HGSNAT: variants seen among roughly 807,000 people sequenced by gnomAD.
The protein encoded by HGSNAT is transmembrane protein 76.
Under a neutral mutation model 85.2 loss-of-function variants are expected in HGSNAT, and 59 were observed. The observed-to-expected ratio is 0.69, with a 90% CI of 0.56 to 0.86. The LOEUF is 0.86. Among genes scored for constraint, HGSNAT ranks in the 40% least tolerant of loss-of-function variants. The pLI is 0.00. For synonymous variants in HGSNAT, 321 were observed against 304.5 expected (o/e 1.05, Z -0.56); for missense variants, 756 against 777.1 (o/e 0.97, Z 0.32).
intron 12 of HGSNAT, 55 bp from the exon 13 acceptor site, chr8:43,192,249 C>A: frequency 1.3e-6 from 2 of 1,551,026 alleles, no homozygotes; most frequent in Non-Finnish European, 1.7e-6. Context: ...TATTCTTGTC[C>A]CTCTGTTCGC....
At chr8:43,177,847 A>G (rs1039362440) in intron 9 of HGSNAT, among the ~76,000 whole-genome samples, 5 of 152,200 alleles carry the variant, frequency 3.3e-5, no homozygotes, top group African/African-American at 1.2e-4. Context: ...AATATTAAAG[A>G]AATTTTCTCC....
At chr8:43,167,860 T>G (rs937312889) in intron 5 of HGSNAT, 10 of 204,006 alleles carry the variant, frequency 4.9e-5, no homozygotes, top group Admixed American at 1.2e-4. Flanking sequence ...GTTAATATAT[T>G]TATCTTTTGT....
rs138736400 is a variant in HGSNAT, at chr8:43,158,668, A to G, written c.328A>G (p.Ile110Val). 44 of 1,613,004 alleles carry G rather than the reference A, an allele frequency of 2.7e-5. No homozygotes were observed. The highest frequency in any genetic ancestry group is 1.7e-4 in the Middle Eastern group (1 of 6,052). Residue 110 changes from isoleucine to valine, a missense_variant, in exon 3 of 18, where the codon ATC becomes GTC. Transcript: ENST00000379644. ...CTCTGTCAGCACCCAGCACGGATCT[A>G]TCCTGCAGCTGAACGACACCTTGGA... is the stretch of plus-strand genomic sequence containing the variant. ...AASVSTQHGS[I>V]LQLNDTLEEK...
intron 9 of HGSNAT, 35 bp downstream of exon 9, chr8:43,173,778 G>A (rs374884321): frequency 4.4e-6 from 7 of 1,601,798 alleles, no homozygotes; most frequent in Non-Finnish European, 6.0e-6. Context: ...TCTTCCACGG[G>A]TTGACTCCAA....
At chr8:43,171,214 T>A (rs1312470936) in intron 7 of HGSNAT, among the ~76,000 whole-genome samples, 6 of 152,166 alleles carry the variant, frequency 3.9e-5, no homozygotes, top group African/African-American at 1.4e-4. Context: ...TAGCGAAGAA[T>A]AAATACACAG....
intron 7 of HGSNAT, 98 bp from the exon 8 acceptor site, chr8:43,172,212 G>C (rs1803646937): frequency 1.2e-6 from 1 of 841,684 alleles, no homozygotes; most frequent in Non-Finnish European, 2.1e-6. Context: ...TTGCATTGTT[G>C]CATGATTGCA....
intron 2 of HGSNAT, among the ~76,000 whole-genome samples, chr8:43,147,590 TC>T (rs1281300925): frequency 6.6e-6 from 1 of 152,232 alleles, no homozygotes; most frequent in Non-Finnish European, 1.5e-5. Flanking sequence ...TGAAATCATG[TC>T]CTTTGCAGCA....
At chr8:43,185,716 A>G (rs1804284298) in intron 11 of HGSNAT, among the ~76,000 whole-genome samples, 1 of 152,138 alleles carries the variant, frequency 6.6e-6, no homozygotes, top group African/African-American at 2.4e-5. Context: ...GTCTTGTGCC[A>G]GTTTTCAAAG....
intron 2 of HGSNAT, among the ~76,000 whole-genome samples, chr8:43,148,761 C>T (rs1802795932): frequency 6.8e-6 from 1 of 147,750 alleles, no homozygotes; most frequent in Non-Finnish European, 1.5e-5. Flanking sequence ...CCATTGCACT[C>T]TAACCTGGGC....
chr8:43,202,527 AG>A lies in HGSNAT; in HGVS notation c.*2961del, dbSNP rs1342142174. 6 of 152,232 alleles carry A rather than the reference AG, an allele frequency of 3.9e-5. No individual in the cohort carries two copies. Among genetic ancestry groups the A allele is most frequent in the Non-Finnish European group, 8.8e-5 (6 of 68,054 alleles). The allele number at this position is 152,232 out of a possible 1,614,324, so 9.4% of individuals were successfully genotyped here. On this transcript the variant is annotated 3_prime_UTR_variant, in exon 18 of 18. Coordinates refer to ENST00000379644, the MANE Select transcript of HGSNAT (RefSeq NM_152419.3). ...GGTGCATGGCATCTCACAGGGAGGC[AG>A]GGAGGTGCGAGCTCCTAAGTAATGG...
chr8:43,140,521 G>C lies in HGSNAT; in HGVS notation c.25G>C (p.Ala9Pro), dbSNP rs1360961199. Residue 9 changes from alanine to proline, a missense_variant, in exon 1 of 18, where the codon GCC (alanine) becomes CCC (proline). Coordinates refer to ENST00000379644, the MANE Select transcript of HGSNAT (RefSeq NM_152419.3). ...CATGAGCGGGGCGGGCAGGGCGCTGGCCGCGCTGCTGCTGGCCGCGTCCGT... is the reference window on the plus strand; with the variant it reads ...CATGAGCGGGGCGGGCAGGGCGCTGCCCGCGCTGCTGCTGGCCGCGTCCGT... MSGAGRAL[A>P]ALLLAASVLS... 1.8e-6 allele frequency: 2 copies of C among 1,093,744 alleles called. No homozygotes were observed. The highest frequency in any genetic ancestry group is 2.2e-6 in the Non-Finnish European group (2 of 902,080). The allele number at this position is 1,093,744 out of a possible 1,614,324, so 67.8% of individuals were successfully genotyped here.
chr8:43,192,382 C>G lies in HGSNAT; in HGVS notation c.1329C>G (p.Asp443Glu). The stretch of plus-strand genomic sequence containing the variant: ...CTGGAGGAGCTGCAGGCTACATCGA[C>G]CGCCTGCTGCTGGGAGACGATCACC... Reference protein sequence around the residue: ...NCTGGAAGYIDRLLLGDDHLY... With the variant: ...NCTGGAAGYIERLLLGDDHLY... Residue 443 changes from aspartate to glutamate, a missense_variant, in exon 13 of 18, where the codon GAC becomes GAG. Asp to Glu is a conservative substitution (Grantham distance 45). Coordinates refer to ENST00000379644, the MANE Select transcript of HGSNAT (RefSeq NM_152419.3). The G allele has an allele frequency of 6.2e-7, 1 of 1,613,232 alleles. No homozygotes were observed. Among genetic ancestry groups the G allele is most frequent in the Non-Finnish European group, 8.5e-7 (1 of 1,179,658 alleles).
rs1299209150 is a variant in HGSNAT, at chr8:43,182,184, G to A, written c.1052G>A (p.Arg351Gln). 1 of 1,614,018 alleles carries A rather than the reference G, an allele frequency of 6.2e-7. No homozygotes were observed. The highest frequency in any genetic ancestry group is 8.5e-7 in the Non-Finnish European group (1 of 1,179,892). Residue 351 changes from arginine to glutamine, a missense_variant, in exon 11 of 18, where the codon CGA becomes CAA. Arg to Gln is a conservative substitution (Grantham distance 43). Coordinates refer to ENST00000379644, the MANE Select transcript of HGSNAT (RefSeq NM_152419.3). ...GTGCGCATTCCTGGTGTGCTGCAGC[G>A]ATTGGGAGTGACATACTTTGTGGTT... ...DKVRIPGVLQ[R>Q]LGVTYFVVAV... is the part of the protein sequence containing the mutation.
Position 43,199,504 on chromosome 8 carries a change from G to A in HGSNAT, c.1843G>A (p.Ala615Thr), listed in dbSNP as rs112029032. 7,998 of 1,610,166 alleles carry A rather than the reference G, an allele frequency of 5.0e-3. 23 individuals carry two copies. Among genetic ancestry groups the A allele is most frequent in the Non-Finnish European group, 5.6e-3 (6,640 of 1,178,186 alleles). ...GGAGCACCTGACTCAGAACATCGTC[G>A]CCACTGCCCTCTGGGTGCTCATTGC... ...HKEHLTQNIVATALWVLIAYI... is the reference protein window; with the variant it reads ...HKEHLTQNIVTTALWVLIAYI... The change falls in exon 18 of 18, where the codon GCC (alanine) becomes ACC (threonine). Residue 615 changes from alanine to threonine, a missense_variant. Coordinates refer to ENST00000379644, the MANE Select transcript of HGSNAT (RefSeq NM_152419.3).
chr8:43,199,604 A>C lies in HGSNAT; in HGVS notation c.*35A>C. 6.8e-7 allele frequency: 1 copy of C among 1,470,442 alleles called. No homozygotes were observed. Among genetic ancestry groups the C allele is most frequent in the South Asian group, 1.4e-5 (1 of 69,000 alleles). The allele number at this position is 1,470,442 out of a possible 1,614,324, so 91.1% of individuals were successfully genotyped here. A position where few individuals can be genotyped will look rare whatever the true frequency, so the allele number is the denominator to read the frequency against. ...CTGAGATGTGCTGCTGGAAGACTCT[A>C]GTAGGCCTGCAGGGAGGACTGAAGC... On this transcript the variant is annotated 3_prime_UTR_variant, in exon 18 of 18. Transcript: ENST00000379644.
At position 43,192,906 on chromosome 8, in the gene HGSNAT, G is replaced by A. The variant is rs79062821; in HGVS notation, c.1377+476G>A. Among the ~76,000 whole-genome samples, 667 of 152,314 alleles carry A rather than the reference G, an allele frequency of 4.4e-3. 8 individuals are homozygous for A. Among genetic ancestry groups the A allele is most frequent in the African/African-American group, 0.015 (638 of 41,558 alleles). ...GGGTCACATGCAGGAAGTGGATCAG[G>A]CAGTCCTTGCGGGGGAATAAAGGAG... is the stretch of plus-strand genomic sequence containing the variant. On this transcript the variant is annotated intron_variant, in intron 13 of 17. Coordinates refer to ENST00000379644, the MANE Select transcript of HGSNAT (RefSeq NM_152419.3).
chr8:43,183,581 C>T (rs1303543730), intron 11 of HGSNAT, among the ~76,000 whole-genome samples: 22 of 152,070 alleles, frequency 1.4e-4, no homozygotes, highest in Admixed American at 1.4e-3. Context: ...CGCCGTTCTC[C>T]TGTCTCAGCC....
Position 43,140,571 on chromosome 8 carries a change from C to A in HGSNAT, c.75C>A (p.Pro25=). The part of the protein sequence containing the change: ...ASVLSAALLA[P]GGSSGRDAQA... ...TGCTGAGCGCCGCGCTGCTGGCCCC[C>A]GGCGGCTCTTCGGGGCGCGATGCCC... is the stretch of plus-strand genomic sequence containing the variant. Residue 25 remains proline, a synonymous_variant, in exon 1 of 18, where the codon CCC becomes CCA. Transcript: ENST00000379644. 1.6e-6 allele frequency: 2 copies of A among 1,225,928 alleles called. No individual in the cohort carries two copies. Among genetic ancestry groups the A allele is most frequent in the South Asian group, 5.0e-5 (2 of 40,084 alleles). 75.9% of individuals were successfully genotyped at this position (1,225,928 alleles called of 1,614,324 possible).
At chr8:43,182,071 G>C in intron 10 of HGSNAT, 74 bp from the exon 11 acceptor site, 1 of 1,153,730 alleles carries the variant, frequency 8.7e-7, no homozygotes. Context: ...TCCCCTTTAG[G>C]AAACAAATAA....
Sources: allele counts gnomAD v4.1 joint callset (sites outside exome capture counted in the v4.1 genomes callset), GRCh38; gene constraint gnomAD v4.1.1; transcripts MANE v1.5; gene names NCBI Gene and HGNC (gene_info 2026-07-23, HGNC 2026-07-21).